Variants in DNAH5 observed in about 807,000 individuals in gnomAD.
The protein encoded by DNAH5 is axonemal beta dynein heavy chain 5.
DNAH5 carries 372 observed loss-of-function variants against 518.2 expected under a neutral mutation model. The ratio of observed to expected loss-of-function variants is 0.72; its 90% CI spans 0.66 to 0.78. The LOEUF (loss-of-function observed/expected upper bound fraction) is 0.78. DNAH5 is among the 30% of genes least tolerant of loss of function. The pLI, the probability that DNAH5 is intolerant of heterozygous loss-of-function variation, is 0.00. For missense variants in DNAH5, 5,523 were observed against 5,687.0 expected (o/e 0.97, Z 0.93); for synonymous variants, 2,039 against 2,025.9 (o/e 1.01, Z -0.17).
intron 75 of DNAH5, among the ~76,000 whole-genome samples, chr5:13,708,702 T>TAC (rs1743118708): frequency 1.3e-5 from 2 of 151,950 alleles, no homozygotes; most frequent in South Asian, 2.1e-4. Context: ...AGCAAACATG[T>TAC]ACACACACAC....
intron 47 of DNAH5, among the ~76,000 whole-genome samples, chr5:13,801,888 T>C (rs1445907767): frequency 6.6e-6 from 1 of 152,192 alleles, no homozygotes. Flanking sequence ...ATGTTCACCT[T>C]ATAGGCTGGC....
At chr5:13,885,621 G>C (rs952165117) in intron 18 of DNAH5, among the ~76,000 whole-genome samples, 4 of 152,094 alleles carry the variant, frequency 2.6e-5, no homozygotes, top group Non-Finnish European at 5.9e-5. Flanking sequence ...CCTGCAAAAG[G>C]TGCGCTCAGT....
chr5:13,914,805 T>C (rs556869772), intron 9 of DNAH5, among the ~76,000 whole-genome samples, 163 bp from the exon 10 acceptor site: 41 of 152,254 alleles, frequency 2.7e-4, no homozygotes, highest in Middle Eastern at 3.4e-3. Context: ...CAATAACCCT[T>C]TGATATTGTC....
chr5:13,720,877 T>C (rs1239398352), intron 71 of DNAH5, 123 bp downstream of exon 71: 13 of 1,374,960 alleles, frequency 9.5e-6, no homozygotes, highest in Non-Finnish European at 1.3e-5. Flanking sequence ...AAAAACGCTG[T>C]TTAGTAAACA....
Position 13,882,928 on chromosome 5 carries a change from C to T in DNAH5, c.3150G>A (p.Gln1050=), listed in dbSNP as rs750508944. 4.3e-6 allele frequency: 7 copies of T among 1,614,210 alleles called. No homozygotes were observed. Among genetic ancestry groups the T allele is most frequent in the Non-Finnish European group, 5.9e-6 (7 of 1,180,016 alleles). ...CIISVPKGVR[Q]WSSELLSKKK... ...CCTTGGACAACAGTTCACTGCTCCA[C>T]TGTCTGACCCCCTTAGGGACACTGA... is the stretch of plus-strand genomic sequence containing the variant. The change falls in exon 20 of 79, where the codon CAG becomes CAA. Residue 1050 remains glutamine (Q), a synonymous_variant. Transcript: ENST00000265104.
rs1272608681 is a variant in DNAH5, at chr5:13,714,634, AC to A, written c.12910-15del. 3.1e-6 allele frequency: 5 copies of A among 1,612,868 alleles called. No individual in the cohort carries two copies. The Admixed American group carries it at 6.7e-5, about 22-fold the overall frequency. On this transcript the variant is annotated splice_polypyrimidine_tract_variant and intron_variant, in intron 74 of 78. Coordinates refer to ENST00000265104, the MANE Select transcript of DNAH5 (RefSeq NM_001369.3). The stretch of plus-strand genomic sequence containing the variant: ...GGCAGGCAAACTCTGAACAACAGAC[AC>A]CCCAGATAAGCACAGACTGCCAACA...
chr5:13,829,461 T>G, intron 38 of DNAH5, 49 bp downstream of exon 38: 20 of 1,585,518 alleles, frequency 1.3e-5, no homozygotes, highest in Non-Finnish European at 1.7e-5. Flanking sequence ...TTCTGCTGAA[T>G]AGAAAAATGA....
chr5:13,730,732 T>A (rs1363308847), intron 68 of DNAH5, among the ~76,000 whole-genome samples: 1 of 150,480 alleles, frequency 6.6e-6, no homozygotes, highest in Non-Finnish European at 1.5e-5. Context: ...AGATGTAGTT[T>A]CACTCTTGTT....
At chr5:13,703,246 A>G (rs1338316598) in intron 76 of DNAH5, among the ~76,000 whole-genome samples, 2 of 152,306 alleles carry the variant, frequency 1.3e-5, no homozygotes, top group South Asian at 2.1e-4. Flanking sequence ...CAGGGCCAGG[A>G]GAAGAGGAGG....
At chr5:13,913,075 C>CA (rs1385997817) in intron 11 of DNAH5, among the ~76,000 whole-genome samples, 1 of 151,154 alleles carries the variant, frequency 6.6e-6, no homozygotes, top group Non-Finnish European at 1.5e-5. Flanking sequence ...ATTCAAGTAC[C>CA]AAAAAAAATT....
At chr5:13,836,024 G>T (rs116778657) in intron 35 of DNAH5, among the ~76,000 whole-genome samples, 1 of 152,090 alleles carries the variant, frequency 6.6e-6, no homozygotes, top group Non-Finnish European at 1.5e-5. Context: ...AGGGCTTCAG[G>T]GTTACTCCAG....
rs1361525513 is a variant in DNAH5 at position 13,931,179 on chromosome 5, A to G, written c.123T>C (p.Phe41=). ...GGTCCAAACAGGAAGCCACAATTGC[A>G]AATAAGTAGTTATGCCTCGCATCCA... The part of the protein sequence containing the change: ...ALLDARHNYL[F]AIVASCLDLN... The change falls in exon 2 of 79, where the codon TTT becomes TTC. Residue 41 remains phenylalanine, a synonymous_variant. Coordinates refer to ENST00000265104, the MANE Select transcript of DNAH5 (RefSeq NM_001369.3). The G allele has an allele frequency of 3.1e-6, 5 of 1,614,020 alleles. No homozygotes were observed. The highest frequency in any genetic ancestry group is 1.7e-5 in the Admixed American group (1 of 60,004).
chr5:13,702,264 T>C (rs552705883), intron 76 of DNAH5, among the ~76,000 whole-genome samples: 3 of 152,332 alleles, frequency 2.0e-5, no homozygotes, highest in South Asian at 2.1e-4. Context: ...GGTATAACAC[T>C]TGAATTTCAA....
intron 31 of DNAH5, among the ~76,000 whole-genome samples, chr5:13,847,548 C>T (rs146499975): frequency 1.4e-5 from 2 of 138,980 alleles, no homozygotes; most frequent in East Asian, 2.1e-4. Flanking sequence ...GGTGAAACCT[C>T]GTCTCTACTA....
At chr5:13,992,208 T>G (rs1345194958) in intron 1 of DNAH5, among the ~76,000 whole-genome samples, 1 of 152,224 alleles carries the variant, frequency 6.6e-6, no homozygotes, top group East Asian at 1.9e-4. Flanking sequence ...CAAGTCTTGT[T>G]CTTCAAAATC....
chr5:13,993,611 C>A (rs1783718981), intron 1 of DNAH5, among the ~76,000 whole-genome samples: 1 of 152,148 alleles, frequency 6.6e-6, no homozygotes. Context: ...TAAGTATTTC[C>A]TTAAGAGCTT....
chr5:13,937,475 A>C (rs146995888), intron 1 of DNAH5, among the ~76,000 whole-genome samples: 1 of 146,992 alleles, frequency 6.8e-6, no homozygotes, highest in East Asian at 2.0e-4. Flanking sequence ...CCCATCTTCT[A>C]CTCCTGAAAG....
Position 13,829,690 on chromosome 5 carries a change from G to C in DNAH5, c.6264C>G (p.Ala2088=), listed in dbSNP as rs1348689. The C allele has an allele frequency of 1.4e-5, 22 of 1,613,682 alleles. No homozygotes were observed. Among genetic ancestry groups the C allele is most frequent in the Non-Finnish European group, 1.7e-5 (20 of 1,179,892 alleles). Reference sequence around the variant, plus strand: ...AGTTTTCAGGGAGTTCCTGCCGTCCGGCATAGCCAGGATTCTAAACAGAAA... The same window carrying C: ...AGTTTTCAGGGAGTTCCTGCCGTCCCGCATAGCCAGGATTCTAAACAGAAA... The part of the protein sequence containing the change: ...GLFLTMNPGY[A]GRQELPENLK... The change falls in exon 38 of 79, where the codon GCC becomes GCG. Residue 2088 remains alanine, a synonymous_variant. Transcript: ENST00000265104.
rs564454470 is a variant in DNAH5 at position 13,830,002 on chromosome 5, G to A, written c.6249+24C>T. On this transcript the variant is annotated intron_variant, in intron 37 of 78. Coordinates refer to ENST00000265104, the MANE Select transcript of DNAH5 (RefSeq NM_001369.3). ...ATTGTGATAAGAAGGCTGAAATTCA[G>A]TAGCTTTTCTAGCAGCTCCTTACCA... is the stretch of plus-strand genomic sequence containing the variant. The A allele has an allele frequency of 1.9e-6, 3 of 1,602,924 alleles. No homozygotes were observed. The East Asian group carries it at 6.7e-5, about 36-fold the overall frequency.
Sources: allele counts gnomAD v4.1 joint callset (sites outside exome capture counted in the v4.1 genomes callset), GRCh38; gene constraint gnomAD v4.1.1; transcripts MANE v1.5; gene names NCBI Gene and HGNC (gene_info 2026-07-23, HGNC 2026-07-21).